FAT1: variants seen among roughly 807,000 people sequenced by gnomAD.
FAT1 encodes the protein protocadherin Fat 1.
In FAT1, 171 loss-of-function variants were observed where a neutral mutation model predicts 329.8. The ratio of observed to expected loss-of-function variants is 0.52; its 90% CI spans 0.46 to 0.59. The LOEUF (loss-of-function observed/expected upper bound fraction) is 0.59. FAT1 is among the 20% of genes least tolerant of loss of function. The pLI, the probability that FAT1 is intolerant of heterozygous loss-of-function variation, is 0.00. For missense variants in FAT1, 5,672 were observed against 5,774.4 expected (o/e 0.98, Z 0.57); for synonymous variants, 2,233 against 2,228.6 (o/e 1.00, Z -0.06).
chr4:186,691,603 G>A (rs548126697), intron 2 of FAT1, among the ~76,000 whole-genome samples: 3 of 152,022 alleles, frequency 2.0e-5, no homozygotes, highest in Non-Finnish European at 2.9e-5. Flanking sequence ...TGAGGAGTTC[G>A]AGACCAGCCT....
intron 17 of FAT1, among the ~76,000 whole-genome samples, chr4:186,605,493 G>C (rs1314822762): frequency 2.4e-5 from 3 of 124,998 alleles, no homozygotes; most frequent in South Asian, 6.1e-4. Flanking sequence ...GTGGAGAAGA[G>C]GTGGAGGGAA....
intron 2 of FAT1, among the ~76,000 whole-genome samples, chr4:186,691,166 T>G (rs1743742454): frequency 1.3e-5 from 2 of 152,182 alleles, no homozygotes; most frequent in African/African-American, 4.8e-5. Flanking sequence ...CACCTGTATC[T>G]AAAAACAGTA....
intron 9 of FAT1, among the ~76,000 whole-genome samples, chr4:186,627,227 C>G (rs1740353697): frequency 7.5e-6 from 1 of 133,854 alleles, no homozygotes; most frequent in Admixed American, 7.5e-5. Context: ...TGAGCTTCAC[C>G]AGCCCACAGA....
chr4:186,672,542 T>C (rs1742777560), intron 2 of FAT1, among the ~76,000 whole-genome samples: 1 of 152,184 alleles, frequency 6.6e-6, no homozygotes, highest in Non-Finnish European at 1.5e-5. Flanking sequence ...CTCAGTGGCC[T>C]GATGATGACT....
intron 11 of FAT1, among the ~76,000 whole-genome samples, chr4:186,615,629 C>T (rs1739673753): frequency 2.0e-5 from 3 of 152,116 alleles, no homozygotes; most frequent in African/African-American, 4.8e-5. Flanking sequence ...TGGTCTGTTT[C>T]GCATCCCAAA....
chr4:186,634,603 C>T (rs958970974), intron 6 of FAT1, among the ~76,000 whole-genome samples: 30 of 149,536 alleles, frequency 2.0e-4, no homozygotes, highest in Non-Finnish European at 3.2e-4. Context: ...TGACCATGCG[C>T]ACACTATGAA....
At chr4:186,669,457 C>T (rs549954160) in intron 2 of FAT1, among the ~76,000 whole-genome samples, 11 of 152,316 alleles carry the variant, frequency 7.2e-5, no homozygotes, top group African/African-American at 2.4e-4. Flanking sequence ...TCAGAAATCA[C>T]GGCTTTACCT....
rs545481607 is a variant in FAT1, at chr4:186,598,053, T to C, written c.12176A>G (p.Lys4059Arg). 6.8e-6 allele frequency: 11 copies of C among 1,613,872 alleles called. No homozygotes were observed. The Admixed American group carries it at 1.7e-4, about 24-fold the overall frequency. Residue 4059 changes from lysine to arginine, a missense_variant, in exon 23 of 27, where the codon AAG (lysine) becomes AGG (arginine). Lys to Arg is a conservative substitution (Grantham distance 26, BLOSUM62 2). Transcript: ENST00000441802. ...ACACGTGCCCCCATAGAGGCATGGC[T>C]TGGAGGAACACGGATTGACGCTTAT... ...CEISVNPCSS[K>R]PCLYGGTCVV...
At chr4:186,716,608 G>A (rs1161605178) in intron 1 of FAT1, among the ~76,000 whole-genome samples, 1 of 152,076 alleles carries the variant, frequency 6.6e-6, no homozygotes, top group Non-Finnish European at 1.5e-5. Flanking sequence ...TGTAGAGATG[G>A]GGTTTCACCA....
At chr4:186,676,276 G>T (rs1742954183) in intron 2 of FAT1, among the ~76,000 whole-genome samples, 1 of 139,616 alleles carries the variant, frequency 7.2e-6, no homozygotes, top group African/African-American at 2.9e-5. Context: ...AATTCATTTT[G>T]TGAAAAAAAA....
chr4:186,617,955 A>G lies in FAT1; in HGVS notation c.8631T>C (p.His2877=), dbSNP rs753162363. Residue 2877 remains histidine (H), a synonymous_variant, in exon 10 of 27, where the codon CAT becomes CAC. Transcript: ENST00000441802. ...GWITTLKELD[H]EKRDNYQIKV... is the part of the protein sequence containing the mutation. ...TAATCTGGTAATTGTCTCTCTTTTC[A>G]TGGTCAAGTTCCTTTAAAGTTGTAA... 6 of 1,613,864 alleles carry G rather than the reference A, an allele frequency of 3.7e-6. No homozygotes were observed. The Admixed American group carries it at 1.0e-4, about 27-fold the overall frequency.
chr4:186,618,761 C>T lies in FAT1; in HGVS notation c.7825G>A (p.Ala2609Thr), dbSNP rs776819831. The T allele has an allele frequency of 6.2e-7, 1 of 1,614,010 alleles. No homozygotes were observed. The highest frequency in any genetic ancestry group is 1.7e-5 in the Admixed American group (1 of 60,024). ...TTAACGACTGAAGTCCCTTTAGCAGCACTGGACCCGATATTCACTTCGTAT... is the reference window on the plus strand; with the variant it reads ...TTAACGACTGAAGTCCCTTTAGCAGTACTGGACCCGATATTCACTTCGTAT... ...TKYEVNIGSS[A>T]AKGTSVVKVL... Residue 2609 changes from alanine to threonine, a missense_variant, in exon 10 of 27, where the codon GCT (alanine) becomes ACT (threonine). Ala to Thr is a moderately conservative substitution (Grantham distance 58). This residue lies in a region of FAT1 where 3,966 missense variants were observed against 3,915.2 expected (regional missense o/e 1.01). Transcript: ENST00000441802.
At chr4:186,709,946 C>T (rs1744879667) in intron 1 of FAT1, 101 bp from the exon 2 acceptor site, 21 of 1,082,052 alleles carry the variant, frequency 1.9e-5, no homozygotes, top group Non-Finnish European at 2.7e-5. Flanking sequence ...TTTCCATACA[C>T]ATGGAATATA....
At position 186,596,091 on chromosome 4, in the gene FAT1, AG is replaced by A. The variant is rs1477067015; in HGVS notation, c.13001-266del. ...GCCTATGGGTATCATTAGACAGTAAAGGCTGCTAAAATTTTGTTTTAAAATA... is the reference window on the plus strand; with the variant it reads ...GCCTATGGGTATCATTAGACAGTAAAGCTGCTAAAATTTTGTTTTAAAATA... On this transcript the variant is annotated intron_variant, in intron 25 of 26. Transcript: ENST00000441802. This position sits in a 1 kb window ranked among gnomAD's most constrained non-coding sequence, Gnocchi z 4.7. Among the ~76,000 whole-genome samples the A allele has an allele frequency of 6.6e-6, 1 of 152,144 alleles. No homozygotes were observed. Among genetic ancestry groups the A allele is most frequent in the East Asian group, 1.9e-4 (1 of 5,194 alleles).
Position 186,636,852 on chromosome 4 carries a change from G to T in FAT1, c.3705C>A (p.Ile1235=). 1.2e-6 allele frequency: 2 copies of T among 1,613,894 alleles called. No individual in the cohort carries two copies. Among genetic ancestry groups the T allele is most frequent in the Non-Finnish European group, 1.7e-6 (2 of 1,179,854 alleles). ...GAGGTTTGTTGTCATTTTCATCAAG[G>T]ATTTTCACAATGACTCTTGCAATGG... ...KSTIARVIVK[I]LDENDNKPQF... Residue 1235 remains isoleucine (I), a synonymous_variant, in exon 5 of 27, where the codon ATC becomes ATA. Coordinates refer to ENST00000441802, the MANE Select transcript of FAT1 (RefSeq NM_005245.4).
chr4:186,687,397 C>CA (rs755321596), intron 2 of FAT1, among the ~76,000 whole-genome samples: 14 of 150,086 alleles, frequency 9.3e-5, no homozygotes, highest in Non-Finnish European at 1.3e-4. Context: ...AACAAACAAA[C>CA]AAAAAAAAAG....
At chr4:186,721,890 T>C (rs1014699013) in intron 1 of FAT1, among the ~76,000 whole-genome samples, 10 of 152,194 alleles carry the variant, frequency 6.6e-5, no homozygotes, top group African/African-American at 1.9e-4. Flanking sequence ...CCAGGCTGAA[T>C]TGCAATGGCA....
chr4:186,644,786 G>A (rs1449919065), intron 3 of FAT1, among the ~76,000 whole-genome samples: 2 of 152,334 alleles, frequency 1.3e-5, no homozygotes, highest in Admixed American at 6.5e-5. Context: ...GCAGATAGAC[G>A]TAAAAGTGAA....
At chr4:186,675,287 G>A (rs988416154) in intron 2 of FAT1, among the ~76,000 whole-genome samples, 1 of 149,896 alleles carries the variant, frequency 6.7e-6, no homozygotes, top group African/African-American at 2.4e-5. Context: ...ACCCTCTTTA[G>A]GAAAGAAATC....
Sources: gnomAD v4.1 joint callset for allele counts (sites outside exome capture counted in the v4.1 genomes callset) on GRCh38, gnomAD v4.1.1 for gene constraint, gnomAD v4.1.1 regional missense constraint, Gnocchi (gnomAD v3.1) non-coding constraint, MANE v1.5 for transcripts, NCBI Gene and HGNC (gene_info 2026-07-23, HGNC 2026-07-21) for gene names.